Variants in LBHD2 observed in about 807,000 individuals in gnomAD.
LBHD2 encodes the protein LBH domain-containing protein 2.
At position 103,088,626 on chromosome 14, in the gene LBHD2, C is replaced by G. The variant is rs567085794; in HGVS notation, c.226+385C>G. On this transcript the variant is annotated intron_variant, in intron 3 of 3. Transcript: ENST00000634353. ...TCACTAGGGCCTGGGAGGCTGTGAGCCTACAGGTGCTTGTGGTGGGGGGAT... is the reference window on the plus strand; with the variant it reads ...TCACTAGGGCCTGGGAGGCTGTGAGGCTACAGGTGCTTGTGGTGGGGGGAT... Among the ~76,000 whole-genome samples the G allele has an allele frequency of 5.3e-5, 8 of 152,372 alleles. No individual in the cohort carries two copies. The South Asian group carries it at 1.2e-3, about 24-fold the overall frequency.
rs765036427 is a variant in LBHD2 at position 103,089,935 on chromosome 14, C to T, written c.*138C>T. The T allele has an allele frequency of 2.5e-4, 98 of 396,386 alleles. No individual in the cohort carries two copies. The highest frequency in any genetic ancestry group is 3.8e-4 in the Non-Finnish European group (86 of 225,194). 24.6% of individuals were successfully genotyped at this position (396,386 alleles called of 1,614,324 possible). On this transcript the variant is annotated 3_prime_UTR_variant, in exon 4 of 4. Transcript: ENST00000634353. ...GCTTCCTGTGTCACAGGGTCTGGAC[C>T]GCAGCCCTGCCCTCTTCTGCCCATG...
intron 3 of LBHD2, among the ~76,000 whole-genome samples, chr14:103,088,585 A>T (rs1336671287): frequency 6.6e-6 from 1 of 152,218 alleles, no homozygotes. Context: ...TCACCTCTGG[A>T]GCAAGTGTGC....
chr14:103,084,999 G>C (rs368392461), intron 1 of LBHD2, among the ~76,000 whole-genome samples: 1 of 152,120 alleles, frequency 6.6e-6, no homozygotes, highest in South Asian at 2.1e-4. Flanking sequence ...CCGCTGCCCC[G>C]AGAGGCCTCC....
chr14:103,088,180 G>A lies in LBHD2; in HGVS notation c.165G>A (p.Gly55=). Residue 55 remains glycine, a synonymous_variant, in exon 3 of 4, where the codon GGG becomes GGA. Coordinates refer to ENST00000634353, the MANE Select transcript of LBHD2 (RefSeq NM_001330236.2). ...EPSEADPVES[G]ELRWPLESAQ... is the part of the protein sequence containing the mutation. ...GCGAGGCGGACCCTGTGGAAAGTGG[G>A]GAGCTGCGCTGGCCCCTGGAGAGTG... 1 of 398,648 alleles carries A rather than the reference G, an allele frequency of 2.5e-6. No homozygotes were observed. The highest frequency in any genetic ancestry group is 4.4e-6 in the Non-Finnish European group (1 of 226,066). The allele number at this position is 398,648 out of a possible 1,614,324, so 24.7% of individuals were successfully genotyped here. A position where few individuals can be genotyped will look rare whatever the true frequency, so the allele number is the denominator to read the frequency against.
At chr14:103,085,064 C>T (rs892830696) in intron 1 of LBHD2, among the ~76,000 whole-genome samples, 16 of 152,186 alleles carry the variant, frequency 1.1e-4, no homozygotes, top group African/African-American at 3.6e-4. Context: ...CCCAGCTGAC[C>T]TGAGTGGGGT....
At chr14:103,086,239 T>C (rs1889631036) in intron 2 of LBHD2, among the ~76,000 whole-genome samples, 158 bp downstream of exon 2, 1 of 152,110 alleles carries the variant, frequency 6.6e-6, no homozygotes, top group Non-Finnish European at 1.5e-5. Context: ...TGACACAGAG[T>C]CTTGCTCTGT....
chr14:103,089,967 G>C lies in LBHD2; in HGVS notation c.*170G>C, dbSNP rs1287786645. On this transcript the variant is annotated 3_prime_UTR_variant, in exon 4 of 4. Transcript: ENST00000634353. ...CTGCCCTCTTCTGCCCATGGCCCAGGTCTGGATCACACCCCGCTTTGTTCC... is the reference window on the plus strand; with the variant it reads ...CTGCCCTCTTCTGCCCATGGCCCAGCTCTGGATCACACCCCGCTTTGTTCC... The C allele has an allele frequency of 3.3e-5, 13 of 396,948 alleles. No homozygotes were observed. Among genetic ancestry groups the C allele is most frequent in the Non-Finnish European group, 4.9e-5 (11 of 225,594 alleles). The allele number at this position is 396,948 out of a possible 1,614,324, so 24.6% of individuals were successfully genotyped here.
chr14:103,089,821 C>T lies in LBHD2; in HGVS notation c.*24C>T. 2.5e-6 allele frequency: 1 copy of T among 398,582 alleles called. No individual in the cohort carries two copies. The highest frequency in any genetic ancestry group is 3.6e-5 in the East Asian group (1 of 28,074). 24.7% of individuals were successfully genotyped at this position (398,582 alleles called of 1,614,324 possible). On this transcript the variant is annotated 3_prime_UTR_variant, in exon 4 of 4. Transcript: ENST00000634353. ...AGGACAAGGACGTGGCTGGGCTCTG[C>T]TGTCTGACTGCTGAGGGCCTCTGCC...
chr14:103,086,710 TAA>T (rs35287691), intron 2 of LBHD2, among the ~76,000 whole-genome samples: 3 of 138,320 alleles, frequency 2.2e-5, no homozygotes, highest in African/African-American at 2.6e-5. Flanking sequence ...CTGATGAAAC[TAA>T]AAAAAAAAAA....
intron 3 of LBHD2, among the ~76,000 whole-genome samples, chr14:103,088,648 G>A (rs1224811579): frequency 6.6e-6 from 1 of 152,234 alleles, no homozygotes; most frequent in East Asian, 1.9e-4. Flanking sequence ...TGTGGTGGGG[G>A]GATGGGCTGG....
In LBHD2 at chr14:103,089,747, G is replaced by A; in HGVS notation, c.277G>A (p.Gly93Ser). 2.5e-6 allele frequency: 1 copy of A among 398,686 alleles called. No individual in the cohort carries two copies. The highest frequency in any genetic ancestry group is 6.3e-4 in the Middle Eastern group (1 of 1,590). The allele number at this position is 398,686 out of a possible 1,614,324, so 24.7% of individuals were successfully genotyped here. A position where few individuals can be genotyped will look rare whatever the true frequency, so the allele number is the denominator to read the frequency against. ...GEPGKAADNA[G>S]SECACSEDPA... is the part of the protein sequence containing the mutation. The stretch of plus-strand genomic sequence containing the variant: ...ACCAGGGAAAGCTGCAGATAACGCT[G>A]GCAGCGAGTGTGCCTGCTCCGAGGA... Residue 93 changes from glycine (G) to serine (S), a missense_variant, in exon 4 of 4, where the codon GGC becomes AGC. Coordinates refer to ENST00000634353, the MANE Select transcript of LBHD2 (RefSeq NM_001330236.2).
chr14:103,085,334 G>A (rs147911840), intron 1 of LBHD2, among the ~76,000 whole-genome samples: 46 of 152,300 alleles, frequency 3.0e-4, no homozygotes, highest in Non-Finnish European at 5.9e-4. Context: ...CGGCCCGAGC[G>A]CAGGTGAAGG....
intron 1 of LBHD2, among the ~76,000 whole-genome samples, chr14:103,085,228 C>T (rs372930781): frequency 4.0e-4 from 61 of 152,326 alleles, no homozygotes; most frequent in African/African-American, 1.2e-3. Flanking sequence ...TGCAGGGCTG[C>T]CCCCGCCCGT....
rs77777948 is a variant in LBHD2, at chr14:103,085,105, T to C, written c.-38+758T>C. 2.1e-3 allele frequency among the ~76,000 whole-genome samples: 321 copies of C among 152,248 alleles called. 8 individuals carry two copies. In the East Asian group the frequency reaches 0.055, roughly 26 times the overall value. ...GTGAAAGAAACCTCATTTCTCAGAA[T>C]AGCAGCCCTCTGCTTTGCTGGCGGC... On this transcript the variant is annotated intron_variant, in intron 1 of 3. Transcript: ENST00000634353.
intron 1 of LBHD2, among the ~76,000 whole-genome samples, chr14:103,085,698 G>A (rs1566940065): frequency 6.6e-6 from 1 of 152,198 alleles, no homozygotes; most frequent in Non-Finnish European, 1.5e-5. Flanking sequence ...GCTACCTCCT[G>A]CTCACCTCTC....
At chr14:103,085,118 C>T (rs1444945293) in intron 1 of LBHD2, among the ~76,000 whole-genome samples, 1 of 152,172 alleles carries the variant, frequency 6.6e-6, no homozygotes, top group East Asian at 1.9e-4. Context: ...CAGCCCTCTG[C>T]TTTGCTGGCG....
At chr14:103,087,499 C>T (rs1889650413) in intron 2 of LBHD2, among the ~76,000 whole-genome samples, 1 of 152,226 alleles carries the variant, frequency 6.6e-6, no homozygotes. Flanking sequence ...CGTAGCACTG[C>T]AGCCTCAAAG....
chr14:103,086,897 A>G (rs1024517815), intron 2 of LBHD2, among the ~76,000 whole-genome samples: 3 of 152,138 alleles, frequency 2.0e-5, no homozygotes, highest in African/African-American at 7.2e-5. Flanking sequence ...GGCAGGGTGG[A>G]CAGAGGTGAG....
At chr14:103,084,385 G>GA (rs1233192051) in intron 1 of LBHD2, 38 bp downstream of exon 1, 1 of 152,176 alleles carries the variant, frequency 6.6e-6, no homozygotes, top group Non-Finnish European at 1.5e-5. Flanking sequence ...CATGGGGGGG[G>GA]ATTTGGGAGT....
Sources: allele counts gnomAD v4.1 joint callset (sites outside exome capture counted in the v4.1 genomes callset), GRCh38; gene constraint gnomAD v4.1.1; transcripts MANE v1.5; gene names NCBI Gene and HGNC (gene_info 2026-07-23, HGNC 2026-07-21).